The following CSMD1 variants were observed in gnomAD, a reference collection of about 807,000 sequenced individuals.
CSMD1 encodes the protein CUB and Sushi multiple domains 1.
A neutral mutation model predicts 417.5 loss-of-function variants in CSMD1; 213 were observed. The observed-to-expected ratio is 0.51, with a 90% CI of 0.46 to 0.57. The LOEUF is 0.57. Among genes scored for constraint, CSMD1 ranks in the 20% least tolerant of loss-of-function variants. The probability of loss-of-function intolerance (pLI) is 0.00; values close to 1 mark genes in which losing one functional copy is unlikely to be tolerated. For synonymous variants in CSMD1, 2,862 were observed against 1,736.8 expected, an observed-to-expected ratio of 1.65 and a Z score of -16.11; for missense variants, 6,923 against 4,529.7, an observed-to-expected ratio of 1.53 and a Z score of -15.17.
chr8:4,283,499 G>C (rs1288640943), intron 3 of CSMD1, among the ~76,000 whole-genome samples: 3 of 152,164 alleles, frequency 2.0e-5, no homozygotes, highest in South Asian at 2.1e-4. Flanking sequence ...TTTTGCTTTT[G>C]TCCAATCATT....
chr8:4,363,863 C>G (rs1252996939), intron 3 of CSMD1, among the ~76,000 whole-genome samples: 1 of 152,068 alleles, frequency 6.6e-6, no homozygotes, highest in Admixed American at 6.6e-5. Flanking sequence ...CAATAGAACT[C>G]ATGGACATAG....
rs553842159 is a variant in CSMD1, at chr8:3,783,727, T to C, written c.819-29685A>G. On this transcript the variant is annotated intron_variant, in intron 5 of 69. Transcript: ENST00000635120. ...CCCCTTTGCTCCTGAAAGGTCTCAT[T>C]CTTACTCCTGCTATTCAGATCCCCC... Among the ~76,000 whole-genome samples, 4 of 152,290 alleles carry C rather than the reference T, an allele frequency of 2.6e-5. No individual in the cohort carries two copies. The East Asian group carries it at 7.7e-4, about 29-fold the overall frequency.
chr8:4,396,163 A>C (rs938836105), intron 3 of CSMD1, among the ~76,000 whole-genome samples: 2 of 152,142 alleles, frequency 1.3e-5, no homozygotes, highest in African/African-American at 4.8e-5. Flanking sequence ...AATTATTTGC[A>C]AAGCAAGAAT....
chr8:4,077,990 T>G (rs1799923411), intron 3 of CSMD1, among the ~76,000 whole-genome samples: 2 of 152,108 alleles, frequency 1.3e-5, no homozygotes, highest in Non-Finnish European at 2.9e-5. Context: ...GATTCCTCTT[T>G]CATCTCTCAG....
chr8:3,917,124 G>T (rs1010108642), intron 5 of CSMD1, among the ~76,000 whole-genome samples: 1 of 152,160 alleles, frequency 6.6e-6, no homozygotes, highest in African/African-American at 2.4e-5. Flanking sequence ...ATAAAAGATA[G>T]TCTAAGAGAA....
intron 3 of CSMD1, among the ~76,000 whole-genome samples, chr8:4,324,392 C>A (rs1357998758): frequency 6.6e-6 from 1 of 152,170 alleles, no homozygotes; most frequent in African/African-American, 2.4e-5. Flanking sequence ...GGGGCAGGAG[C>A]AAGGAGGGGT....
chr8:3,896,062 T>G lies in CSMD1; in HGVS notation c.818+101841A>C, dbSNP rs1464996512. 5.9e-4 allele frequency among the ~76,000 whole-genome samples: 90 copies of G among 152,232 alleles called. 3 individuals carry two copies. Among genetic ancestry groups the G allele is most frequent in the Admixed American group, 5.8e-3 (89 of 15,284 alleles). On this transcript the variant is annotated intron_variant, in intron 5 of 69. Transcript: ENST00000635120. ...ATGACTGCGGAGCGCTGGACTCATGTAGCTGCTGATTTCCATTTACACCTC... is the reference window on the plus strand; with the variant it reads ...ATGACTGCGGAGCGCTGGACTCATGGAGCTGCTGATTTCCATTTACACCTC...
intron 1 of CSMD1, among the ~76,000 whole-genome samples, chr8:4,769,633 A>G (rs1489722255): frequency 6.6e-6 from 1 of 152,190 alleles, no homozygotes; most frequent in Non-Finnish European, 1.5e-5. Context: ...TCTAAATTTC[A>G]TCTGTTGAAA....
chr8:4,139,413 G>A (rs143410302), intron 3 of CSMD1, among the ~76,000 whole-genome samples: 1 of 144,512 alleles, frequency 6.9e-6, no homozygotes, highest in Admixed American at 6.7e-5. Flanking sequence ...GCTGTGCTAA[G>A]CACTGGAGGT....
chr8:3,148,178 T>C (rs186069061), intron 40 of CSMD1, among the ~76,000 whole-genome samples: 8 of 152,284 alleles, frequency 5.3e-5, no homozygotes, highest in African/African-American at 1.9e-4. Flanking sequence ...AGGGGAGAAA[T>C]CATAATTACA....
At chr8:3,436,375 T>A (rs1388691974) in intron 12 of CSMD1, among the ~76,000 whole-genome samples, 1 of 152,192 alleles carries the variant, frequency 6.6e-6, no homozygotes, top group Non-Finnish European at 1.5e-5. Context: ...TTATTTTCAC[T>A]GCAAAACTGT....
intron 4 of CSMD1, among the ~76,000 whole-genome samples, chr8:4,018,587 G>C (rs551311702): frequency 6.6e-6 from 1 of 152,186 alleles, no homozygotes; most frequent in Admixed American, 6.5e-5. Flanking sequence ...CAGGCAACCA[G>C]CACCCCCTGC....
intron 49 of CSMD1, among the ~76,000 whole-genome samples, chr8:3,063,896 C>G (rs1812752706): frequency 6.6e-6 from 1 of 152,142 alleles, no homozygotes; most frequent in African/African-American, 2.4e-5. Flanking sequence ...CAGAGATGGA[C>G]AGTGGTGATG....
At chr8:3,354,919 C>CTATCTATAGATCTATCTATAGATATCTA (rs1808671576) in intron 21 of CSMD1, among the ~76,000 whole-genome samples, 4 of 141,572 alleles carry the variant, frequency 2.8e-5, no homozygotes, top group African/African-American at 1.1e-4. Context: ...ATAGATATGT[C>CTATCTATAGATCTATCTATAGATATCTA]TATCTATAGA....
chr8:3,914,554 G>A (rs1350891715), intron 5 of CSMD1, among the ~76,000 whole-genome samples: 1 of 152,146 alleles, frequency 6.6e-6, no homozygotes, highest in African/African-American at 2.4e-5. Context: ...AGTTTCCACT[G>A]TTGAAATGGC....
At chr8:3,113,134 G>C (rs978174009) in intron 42 of CSMD1, 2 of 152,362 alleles carry the variant, frequency 1.3e-5, no homozygotes, top group African/African-American at 4.8e-5. Context: ...CTGAAGGCGG[G>C]GTTCAAAGTG....
intron 10 of CSMD1, among the ~76,000 whole-genome samples, chr8:3,494,463 G>C (rs1315766575): frequency 1.3e-5 from 2 of 152,132 alleles, no homozygotes; most frequent in East Asian, 3.9e-4. Flanking sequence ...AAAAAGGAAA[G>C]AAGATAAATA....
At chr8:3,177,749 G>A (rs1235312119) in intron 37 of CSMD1, among the ~76,000 whole-genome samples, 2 of 152,270 alleles carry the variant, frequency 1.3e-5, no homozygotes, top group East Asian at 1.9e-4. Context: ...GATCAATACT[G>A]AGTTCAATAA....
chr8:4,115,724 C>G (rs537489702), intron 3 of CSMD1, among the ~76,000 whole-genome samples: 94 of 152,160 alleles, frequency 6.2e-4, no homozygotes, highest in Non-Finnish European at 1.1e-3. Context: ...TGTGGGACAT[C>G]CTGACAATGG....
Sources: allele counts gnomAD v4.1 joint callset (sites outside exome capture counted in the v4.1 genomes callset), GRCh38; gene constraint gnomAD v4.1.1; transcripts MANE v1.5; gene names NCBI Gene and HGNC (gene_info 2026-07-23, HGNC 2026-07-21).